Variants in RBFOX1 observed in about 807,000 individuals in gnomAD.
The protein encoded by RBFOX1 is RNA binding fox-1 homolog 1.
RBFOX1 carries 8 observed loss-of-function variants against 57.7 expected under a neutral mutation model. That is an observed-to-expected ratio of 0.14 (90% confidence interval 0.08 to 0.25). The LOEUF is 0.25. RBFOX1 is among the 10% of genes least tolerant of loss of function. The pLI, the probability that RBFOX1 is intolerant of heterozygous loss-of-function variation, is 1.00. For missense variants in RBFOX1, 611 were observed against 548.5 expected (o/e 1.11, Z -1.14); for synonymous variants, 326 against 222.4 (o/e 1.47, Z -4.15).
intron 4 of RBFOX1, among the ~76,000 whole-genome samples, chr16:7,476,473 A>C (rs2062730475): frequency 6.6e-6 from 1 of 152,212 alleles, no homozygotes; most frequent in Admixed American, 6.5e-5. Flanking sequence ...TACTGTATTA[A>C]ACATCCCAAT....
chr16:6,556,550 C>A (rs2097100954), intron 2 of RBFOX1, among the ~76,000 whole-genome samples: 1 of 152,174 alleles, frequency 6.6e-6, no homozygotes, highest in Non-Finnish European at 1.5e-5. Flanking sequence ...ATCAGCCATT[C>A]ACTGGGTATT....
intron 2 of RBFOX1, among the ~76,000 whole-genome samples, chr16:6,526,829 CAAAAAAAAAAAA>C (rs541468859): frequency 6.1e-5 from 2 of 32,892 alleles, no homozygotes; most frequent in East Asian, 1.0e-3. Context: ...GACTCTGTCT[CAAAAAAAAAAAA>C]AAAAAAAAAA....
At chr16:7,422,533 G>A (rs962808295) in intron 4 of RBFOX1, among the ~76,000 whole-genome samples, 1 of 152,166 alleles carries the variant, frequency 6.6e-6, no homozygotes, top group East Asian at 1.9e-4. Context: ...CCGTCACTGG[G>A]GGATCAAATG....
chr16:7,079,499 C>G (rs74921464), intron 4 of RBFOX1, among the ~76,000 whole-genome samples: 7,004 of 152,280 alleles, frequency 0.046, 299 homozygotes, highest in East Asian at 0.21. Flanking sequence ...TTCAGCAACT[C>G]ACAGTCCTTC....
chr16:6,607,849 C>A (rs1239723158), intron 2 of RBFOX1, among the ~76,000 whole-genome samples: 1 of 152,170 alleles, frequency 6.6e-6, no homozygotes, highest in Admixed American at 6.5e-5. Flanking sequence ...ACATGACTTA[C>A]ATCCTCATTT....
intron 3 of RBFOX1, among the ~76,000 whole-genome samples, chr16:6,805,316 C>G (rs1440149821): frequency 6.6e-6 from 1 of 152,158 alleles, no homozygotes; most frequent in East Asian, 1.9e-4. Context: ...CATGTTCTCA[C>G]TTACAAGTGG....
downstream of RBFOX1, among the ~76,000 whole-genome samples, chr16:5,603,597 A>T (rs927636445): frequency 6.6e-6 from 1 of 152,212 alleles, no homozygotes. Flanking sequence ...TTGGAGACCA[A>T]TCTTTCTGCC....
intron 3 of RBFOX1, among the ~76,000 whole-genome samples, chr16:6,916,025 C>G (rs575564046): frequency 6.6e-6 from 1 of 152,074 alleles, no homozygotes; most frequent in East Asian, 1.9e-4. Context: ...AGACAGCTGT[C>G]TTGACTGGCA....
intron 3 of RBFOX1, among the ~76,000 whole-genome samples, chr16:5,772,530 G>A (rs2054015504): frequency 6.6e-6 from 1 of 152,174 alleles, no homozygotes. Context: ...AACCTTATGA[G>A]AAAGTGAATA....
In RBFOX1 at chr16:6,618,138, T is replaced by A. The variant is rs1158190003; in HGVS notation, c.-63-36465T>A. ...TTATCCTAACCGTCAGTGCTCCCAG[T>A]GTTACAGGGACATGAGGAGGGGTTA... On this transcript the variant is annotated intron_variant, in intron 2 of 15. Coordinates refer to ENST00000550418, the MANE Select transcript of RBFOX1 (RefSeq NM_018723.4). Among the ~76,000 whole-genome samples the A allele has an allele frequency of 4.6e-5, 7 of 151,886 alleles. No individual in the cohort carries two copies. The East Asian group carries it at 1.4e-3, about 29-fold the overall frequency.
At chr16:6,992,837 C>CAA (rs3048923) in intron 3 of RBFOX1, among the ~76,000 whole-genome samples, 14,511 of 118,438 alleles carry the variant, frequency 0.12, 1,477 homozygotes, top group African/African-American at 0.26. Flanking sequence ...CTTCCTTTTC[C>CAA]AAAAAAAAAA....
chr16:7,500,549 G>A (rs1266438607), intron 4 of RBFOX1, among the ~76,000 whole-genome samples: 2 of 152,048 alleles, frequency 1.3e-5, no homozygotes, highest in East Asian at 1.9e-4. Context: ...TAGACTTGTC[G>A]GGTCATATGG....
At chr16:7,546,784 A>G (rs931808811) in intron 5 of RBFOX1, among the ~76,000 whole-genome samples, 8 of 152,092 alleles carry the variant, frequency 5.3e-5, no homozygotes, top group Admixed American at 1.3e-4. Flanking sequence ...TATTTAGCCA[A>G]TCCCTTGTAG....
At chr16:6,802,530 A>C (rs2085728259) in intron 3 of RBFOX1, among the ~76,000 whole-genome samples, 1 of 152,040 alleles carries the variant, frequency 6.6e-6, no homozygotes, top group Non-Finnish European at 1.5e-5. Flanking sequence ...TACAAAAGTT[A>C]CTCGGGCATG....
At chr16:6,768,024 A>T (rs1489127283) in intron 3 of RBFOX1, among the ~76,000 whole-genome samples, 1 of 151,578 alleles carries the variant, frequency 6.6e-6, no homozygotes, top group Non-Finnish European at 1.5e-5. Context: ...GGGAGTACAG[A>T]AGTGGAAAAT....
At chr16:7,331,039 G>A (rs1019403268) in intron 4 of RBFOX1, among the ~76,000 whole-genome samples, 1 of 152,188 alleles carries the variant, frequency 6.6e-6, no homozygotes. Context: ...TGATGCATGA[G>A]AATCAATTAC....
intron 2 of RBFOX1, among the ~76,000 whole-genome samples, chr16:6,467,183 G>A (rs1020021549): frequency 1.0e-4 from 15 of 150,536 alleles, no homozygotes; most frequent in Admixed American, 9.3e-4. Flanking sequence ...GTAATATAAA[G>A]TTTACTTAAT....
intron 3 of RBFOX1, among the ~76,000 whole-genome samples, chr16:6,941,040 G>A (rs145872287): frequency 7.9e-5 from 12 of 152,090 alleles, no homozygotes; most frequent in African/African-American, 1.7e-4. Flanking sequence ...GTGTATGGAC[G>A]CCTATGTGCG....
chr16:6,949,066 C>T (rs1218706187), intron 3 of RBFOX1, among the ~76,000 whole-genome samples: 1 of 152,122 alleles, frequency 6.6e-6, no homozygotes, highest in Admixed American at 6.5e-5. Context: ...AGAGTAAGGA[C>T]AAAGCTATTG....
Sources: gnomAD v4.1 joint callset for allele counts (sites outside exome capture counted in the v4.1 genomes callset) on GRCh38, gnomAD v4.1.1 for gene constraint, MANE v1.5 for transcripts, NCBI Gene and HGNC (gene_info 2026-07-23, HGNC 2026-07-21) for gene names.